RPS29: variants seen among roughly 807,000 people sequenced by gnomAD.
RPS29 encodes ribosomal protein S29.
For missense variants in RPS29, 60 were observed against 75.7 expected (o/e 0.79, Z 0.77); for synonymous variants, 37 against 26.9 (o/e 1.37, Z -1.16).
At chr14:49,592,867 C>T (rs958775058) in intron 1 of RPS29, among the ~76,000 whole-genome samples, 2 of 151,480 alleles carry the variant, frequency 1.3e-5, no homozygotes, top group African/African-American at 4.9e-5. Flanking sequence ...GAGATTGCGC[C>T]ACTGCACTCC....
chr14:49,582,853 A>G (rs970091330), downstream of RPS29, among the ~76,000 whole-genome samples: 3 of 152,190 alleles, frequency 2.0e-5, no homozygotes, highest in East Asian at 1.9e-4. Context: ...ACCACACACT[A>G]TACCTACACT....
exon 3 of RPS29, chr14:49,577,323 TTTG>T (rs750000464): frequency 2.5e-5 from 4 of 160,520 alleles, no homozygotes; most frequent in East Asian, 1.8e-4. Context: ...GTCTCTGGTT[TTTG>T]TTGTTTTTGT....
upstream of RPS29, chr14:49,586,393 G>C: frequency 6.5e-7 from 1 of 1,531,568 alleles, no homozygotes; most frequent in Non-Finnish European, 9.1e-7. Flanking sequence ...GCTGGCCCAC[G>C]CATGCGCTCT....
chr14:49,589,827 T>TA (rs1233138412), upstream of RPS29, among the ~76,000 whole-genome samples: 1 of 152,224 alleles, frequency 6.6e-6, no homozygotes. Flanking sequence ...AAAGAAAATG[T>TA]AGTACATATA....
At chr14:49,591,942 A>G (rs1163451747) in intron 1 of RPS29, among the ~76,000 whole-genome samples, 3 of 152,118 alleles carry the variant, frequency 2.0e-5, no homozygotes, top group Non-Finnish European at 4.4e-5. Flanking sequence ...TTTAAAGTCC[A>G]CTTAGCAAGA....
intron 2 of RPS29, chr14:49,585,709 C>CT: frequency 2.0e-6 from 1 of 510,136 alleles, no homozygotes; most frequent in Non-Finnish European, 3.5e-6. Context: ...ACTGGCTAAG[C>CT]TATCTAGGTA....
intron 1 of RPS29, among the ~76,000 whole-genome samples, chr14:49,595,107 C>CT (rs923716819): frequency 1.7e-4 from 26 of 151,804 alleles, no homozygotes; most frequent in African/African-American, 3.4e-4. Flanking sequence ...TTTCTCCAGT[C>CT]TTTTTTTTCC....
intron 1 of RPS29, among the ~76,000 whole-genome samples, chr14:49,594,435 A>G (rs748158199): frequency 1.3e-5 from 2 of 152,240 alleles, no homozygotes; most frequent in Non-Finnish European, 2.9e-5. Flanking sequence ...GTAGCAAAGT[A>G]ATGCAGCTCT....
At chr14:49,582,582 C>T (rs1021106038), downstream of RPS29, among the ~76,000 whole-genome samples, 1 of 152,192 alleles carries the variant, frequency 6.6e-6, no homozygotes, top group Non-Finnish European at 1.5e-5. Flanking sequence ...AGTTTTCATT[C>T]ACTACAGAAT....
exon 3 of RPS29, chr14:49,573,785 G>A (rs1344997404): frequency 6.6e-6 from 1 of 152,144 alleles, no homozygotes; most frequent in Non-Finnish European, 1.5e-5. Context: ...ATCTGTGCTA[G>A]AGGCTCACAC....
At chr14:49,579,793 T>C (rs960188010), downstream of RPS29, among the ~76,000 whole-genome samples, 1 of 152,322 alleles carries the variant, frequency 6.6e-6, no homozygotes, top group Non-Finnish European at 1.5e-5. Flanking sequence ...AAGAGATGCA[T>C]AGTCCTCTAA....
At chr14:49,572,894 G>C (rs1253385229) in exon 3 of RPS29, 1 of 152,044 alleles carries the variant, frequency 6.6e-6, no homozygotes, top group Non-Finnish European at 1.5e-5. Flanking sequence ...CATGGCAAAA[G>C]TTTGTCTCAC....
chr14:49,586,448 A>C, upstream of RPS29: 1 of 1,025,556 alleles, frequency 9.8e-7, no homozygotes, highest in Non-Finnish European at 1.5e-6. Context: ...GCTCAAAGGA[A>C]ACGCGTGCGC....
At chr14:49,584,940 A>C (rs1251150142) in intron 2 of RPS29, among the ~76,000 whole-genome samples, 1 of 151,154 alleles carries the variant, frequency 6.6e-6, no homozygotes, top group African/African-American at 2.4e-5. Context: ...CACAGTCAAA[A>C]GTTTCATATA....
upstream of RPS29, among the ~76,000 whole-genome samples, chr14:49,589,987 T>C (rs1207864775): frequency 2.0e-5 from 3 of 152,036 alleles, no homozygotes; most frequent in Non-Finnish European, 2.9e-5. Flanking sequence ...GAGCTAAACA[T>C]TGAATACACA....
rs1387253346 is a variant in RPS29, at chr14:49,584,309, G to C, written c.163-634C>G. On this transcript the variant is annotated intron_variant, in intron 2 of 2. Transcript: ENST00000245458. ...TCTAGGACACAGAGCTAGGGCGTGGGCCAAGGTCCATTTTCTTACGTATGA... is the reference window on the plus strand; with the variant it reads ...TCTAGGACACAGAGCTAGGGCGTGGCCCAAGGTCCATTTTCTTACGTATGA... 4.6e-5 allele frequency among the ~76,000 whole-genome samples: 7 copies of C among 152,310 alleles called. No individual in the cohort carries two copies. The South Asian group carries it at 1.0e-3, about 23-fold the overall frequency.
downstream of RPS29, among the ~76,000 whole-genome samples, chr14:49,583,333 G>C (rs1487014105): frequency 1.3e-5 from 2 of 152,058 alleles, no homozygotes; most frequent in Non-Finnish European, 2.9e-5. Flanking sequence ...AGCAGATCAC[G>C]AAGTCAAGAG....
exon 3 of RPS29, chr14:49,575,532 G>A (rs1222817454): frequency 6.6e-6 from 1 of 152,194 alleles, no homozygotes; most frequent in Non-Finnish European, 1.5e-5. Flanking sequence ...TTCACCAAAG[G>A]AAGCCAGTTC....
Position 49,585,931 on chromosome 14 carries a change from T to C in RPS29, c.162+19A>G. 1.3e-6 allele frequency: 2 copies of C among 1,592,952 alleles called. No homozygotes were observed. The highest frequency in any genetic ancestry group is 1.7e-6 in the Non-Finnish European group (2 of 1,161,590). On this transcript the variant is annotated intron_variant, in intron 2 of 2. Transcript: ENST00000245458. ...CCTTCTCTGCCCAAACAACATGGAG[T>C]ACGCCTGCAGACGCCTACCTTAATG...
Sources: allele counts gnomAD v4.1 joint callset (sites outside exome capture counted in the v4.1 genomes callset), GRCh38; gene constraint gnomAD v4.1.1; transcripts MANE v1.5; gene names NCBI Gene and HGNC (gene_info 2026-07-23, HGNC 2026-07-21).